The following SMARCA4 variants were observed in gnomAD, a reference collection of about 807,000 sequenced individuals.
The protein encoded by SMARCA4 is SWI/SNF related BAF chromatin remodeling complex subunit ATPase 4, also known as SWI/SNF-related matrix-associated actin-dependent regulator of chromatin subfamily A member 4.
SMARCA4 carries 31 observed loss-of-function variants against 193.9 expected under a neutral mutation model. The ratio of observed to expected loss-of-function variants is 0.16; its 90% CI spans 0.12 to 0.22. The LOEUF (loss-of-function observed/expected upper bound fraction) is 0.22, where lower values mean the gene tolerates loss of function less well. SMARCA4 is among the 10% of genes least tolerant of loss of function. The pLI is 1.00. For missense variants in SMARCA4, 1,148 were observed against 2,296.0 expected, an observed-to-expected ratio of 0.50 and a Z score of 10.22; for synonymous variants, 942 against 933.1, an observed-to-expected ratio of 1.01 and a Z score of -0.17.
intron 11 of SMARCA4, among the ~76,000 whole-genome samples, chr19:10,998,977 C>T (rs1386050984): frequency 6.6e-6 from 1 of 151,780 alleles, no homozygotes; most frequent in African/African-American, 2.4e-5. Flanking sequence ...ATCATGGCTC[C>T]CTGTAGTCTC....
chr19:10,974,371 T>G (rs2084926615), intron 1 of SMARCA4, among the ~76,000 whole-genome samples: 2 of 151,938 alleles, frequency 1.3e-5, no homozygotes, highest in Admixed American at 6.6e-5. Flanking sequence ...TCTCACATCC[T>G]TTGATCTTTC....
Position 10,974,689 on chromosome 19 carries a change from A to ATTT in SMARCA4, c.-31-9399_-31-9397dup, listed in dbSNP as rs74182450. ...TGCATATATATATATATATATATATATTTTTTTTTTTTTTTTTTTTTTTTT... is the reference window on the plus strand; with the variant it reads ...TGCATATATATATATATATATATATATTTTTTTTTTTTTTTTTTTTTTTTTTTT... On this transcript the variant is annotated intron_variant, in intron 1 of 34. Transcript: ENST00000344626. Among the ~76,000 whole-genome samples, 7 of 37,172 alleles carry ATTT rather than the reference A, an allele frequency of 1.9e-4. 1 individual carries two copies. The highest frequency in any genetic ancestry group is 7.5e-4 in the African/African-American group (5 of 6,660). 24.4% of individuals were successfully genotyped at this position (37,172 alleles called of 152,430 possible). A position where few individuals can be genotyped will look rare whatever the true frequency, so the allele number is the denominator to read the frequency against.
chr19:10,987,588 G>C lies in SMARCA4; in HGVS notation c.860-78G>C. On this transcript the variant is annotated intron_variant, in intron 5 of 34. Coordinates refer to ENST00000344626, the MANE Select transcript of SMARCA4 (RefSeq NM_003072.5). This position sits in a 1 kb window ranked among gnomAD's most constrained non-coding sequence, Gnocchi z 5.3. ...CTGCCTGTCCCCAGTGCCTCAAGCAGCTCAGCAGCTTTCCATTTCCAGCCC... is the reference window on the plus strand; with the variant it reads ...CTGCCTGTCCCCAGTGCCTCAAGCACCTCAGCAGCTTTCCATTTCCAGCCC... 3 of 1,556,338 alleles carry C rather than the reference G, an allele frequency of 1.9e-6. No individual in the cohort carries two copies. The highest frequency in any genetic ancestry group is 2.7e-6 in the Non-Finnish European group (3 of 1,129,608).
intron 29 of SMARCA4, among the ~76,000 whole-genome samples, chr19:11,037,135 GTGATTTCTCTTTAATATC>G (rs1411757818): frequency 6.6e-6 from 1 of 152,208 alleles, no homozygotes; most frequent in Non-Finnish European, 1.5e-5. Flanking sequence ...TCTTTAATAT[GTGATTTCTCTTTAATATC>G]TGATTTCTCT....
At chr19:10,970,325 AG>A (rs1240049134) in intron 1 of SMARCA4, among the ~76,000 whole-genome samples, 10 of 152,146 alleles carry the variant, frequency 6.6e-5, no homozygotes. Context: ...CAAATCGAGG[AG>A]GGGGTTGTGG....
At position 11,019,516 on chromosome 19, in the gene SMARCA4, G is replaced by A; in HGVS notation, c.2506-75G>A. The stretch of plus-strand genomic sequence containing the variant: ...CCGCCGTGTCACTGGGCAGTTGCAG[G>A]GGGTGCCTGTGCCCCTCTTGCCACC... On this transcript the variant is annotated intron_variant, in intron 17 of 34. Coordinates refer to ENST00000344626, the MANE Select transcript of SMARCA4 (RefSeq NM_003072.5). The surrounding 1 kb of genome is among the most constrained non-coding windows in gnomAD (Gnocchi z 6.1). 2 of 873,006 alleles carry A rather than the reference G, an allele frequency of 2.3e-6. No individual in the cohort carries two copies. Among genetic ancestry groups the A allele is most frequent in the East Asian group, 2.6e-5 (1 of 37,974 alleles). 54.1% of individuals were successfully genotyped at this position (873,006 alleles called of 1,614,324 possible).
chr19:11,010,984 G>A (rs2088779513), intron 15 of SMARCA4: 1 of 261,146 alleles, frequency 3.8e-6, no homozygotes, highest in Admixed American at 4.7e-5. Context: ...AGATCTAGGA[G>A]CCGGCAGCCC....
chr19:11,032,837 G>A (rs1301803815), intron 25 of SMARCA4, among the ~76,000 whole-genome samples: 2 of 152,180 alleles, frequency 1.3e-5, no homozygotes, highest in Admixed American at 1.3e-4. Context: ...ACAGAGGTGA[G>A]ACCTGGTTCC....
chr19:11,001,360 T>C (rs551941238), intron 11 of SMARCA4, among the ~76,000 whole-genome samples: 25 of 152,232 alleles, frequency 1.6e-4, no homozygotes, highest in African/African-American at 5.8e-4. Flanking sequence ...TCCCAGCTGA[T>C]TGGGAGCCAG....
chr19:10,986,648 G>A lies in SMARCA4; in HGVS notation c.760+55G>A, dbSNP rs2145788954. The A allele has an allele frequency of 6.5e-7, 1 of 1,534,068 alleles. No homozygotes were observed. The highest frequency in any genetic ancestry group is 1.4e-5 in the African/African-American group (1 of 73,110). ...TCTCAGAGCGAATGGCTGGGGCGTG[G>A]GTGGCGGGGTGGACAGACCGTGCTC... On this transcript the variant is annotated intron_variant, in intron 4 of 34. Coordinates refer to ENST00000344626, the MANE Select transcript of SMARCA4 (RefSeq NM_003072.5). This position sits in a 1 kb window ranked among gnomAD's most constrained non-coding sequence, Gnocchi z 6.7.
At chr19:11,007,675 A>G (rs145802750) in intron 13 of SMARCA4, among the ~76,000 whole-genome samples, 1 of 152,116 alleles carries the variant, frequency 6.6e-6, no homozygotes, top group Non-Finnish European at 1.5e-5. Flanking sequence ...GAGGAGTTCA[A>G]AGCCATCTGG....
chr19:11,054,067 A>G (rs537864110), intron 30 of SMARCA4, among the ~76,000 whole-genome samples: 3 of 152,362 alleles, frequency 2.0e-5, no homozygotes, highest in African/African-American at 7.2e-5. Flanking sequence ...TCTCTGCACA[A>G]CAAGGAAACG....
chr19:10,981,884 A>T (rs1417419094), intron 1 of SMARCA4, among the ~76,000 whole-genome samples: 1 of 152,118 alleles, frequency 6.6e-6, no homozygotes, highest in Non-Finnish European at 1.5e-5. Flanking sequence ...GCTACTCGGG[A>T]GGCTGAGGCA....
chr19:10,973,463 C>G (rs1225962610), intron 1 of SMARCA4, among the ~76,000 whole-genome samples: 2 of 151,246 alleles, frequency 1.3e-5, no homozygotes, highest in Non-Finnish European at 2.9e-5. Flanking sequence ...TGCAGTGATG[C>G]AATCTTGGCT....
Position 11,061,957 on chromosome 19 carries a change from C to T in SMARCA4, c.*141C>T. 3 of 815,444 alleles carry T rather than the reference C, an allele frequency of 3.7e-6. No individual in the cohort carries two copies. The highest frequency in any genetic ancestry group is 1.4e-5 in the South Asian group (1 of 70,570). 50.5% of individuals were successfully genotyped at this position (815,444 alleles called of 1,614,324 possible). ...AACAAAAGAATCTTCCATATTTATA[C>T]AGCAGAGAAGCTGTAGGACTGTTTG... is the stretch of plus-strand genomic sequence containing the variant. On this transcript the variant is annotated 3_prime_UTR_variant, in exon 35 of 35. Coordinates refer to ENST00000344626, the MANE Select transcript of SMARCA4 (RefSeq NM_003072.5).
In SMARCA4 at chr19:10,987,044, TC is replaced by T; in HGVS notation, c.859+45del. 1 of 1,433,676 alleles carries T rather than the reference TC, an allele frequency of 7.0e-7. No homozygotes were observed. The highest frequency in any genetic ancestry group is 9.7e-7 in the Non-Finnish European group (1 of 1,029,734). The allele number at this position is 1,433,676 out of a possible 1,614,324, so 88.8% of individuals were successfully genotyped here. On this transcript the variant is annotated intron_variant, in intron 5 of 34. Coordinates refer to ENST00000344626, the MANE Select transcript of SMARCA4 (RefSeq NM_003072.5). The surrounding 1 kb of genome is among the most constrained non-coding windows in gnomAD (Gnocchi z 5.3). ...TATGGTGGTGCACCCGTGCCCTTAC[TC>T]CCCATCTCAAGCTTGGGTCCTTGAG...
intron 13 of SMARCA4, among the ~76,000 whole-genome samples, chr19:11,006,481 TG>T (rs2088214260): frequency 6.6e-6 from 1 of 152,278 alleles, no homozygotes; most frequent in East Asian, 1.9e-4. Flanking sequence ...CCAGGCGCGG[TG>T]TCTCACGCCT....
chr19:10,969,799 C>T (rs984117586), intron 1 of SMARCA4, among the ~76,000 whole-genome samples: 5 of 152,030 alleles, frequency 3.3e-5, no homozygotes, highest in African/African-American at 1.2e-4. Flanking sequence ...ATCTCTTGCC[C>T]TCACTTGCAC....
chr19:11,002,409 G>A (rs188057710), intron 11 of SMARCA4, among the ~76,000 whole-genome samples: 68 of 152,224 alleles, frequency 4.5e-4, no homozygotes, highest in African/African-American at 1.6e-3. Flanking sequence ...AACCTGGGAG[G>A]TGGAGCTTGC....
Sources: allele counts gnomAD v4.1 joint callset (sites outside exome capture counted in the v4.1 genomes callset), GRCh38; gene constraint gnomAD v4.1.1; non-coding constraint Gnocchi (gnomAD v3.1); transcripts MANE v1.5; gene names NCBI Gene and HGNC (gene_info 2026-07-23, HGNC 2026-07-21).